The following TASP1 variants were observed in gnomAD, a reference collection of about 807,000 sequenced individuals.
TASP1 encodes taspase 1, also known as threonine aspartase 1.
Under a neutral mutation model 56.6 loss-of-function variants are expected in TASP1, and 16 were observed. The observed-to-expected ratio is 0.28, with a 90% confidence interval of 0.19 to 0.43. The LOEUF (loss-of-function observed/expected upper bound fraction) is 0.43. TASP1 is among the 20% of genes least tolerant of loss of function. The probability of loss-of-function intolerance (pLI) is 1.00; values close to 1 mark genes in which losing one functional copy is unlikely to be tolerated. For missense variants in TASP1, 393 were observed against 511.6 expected (o/e 0.77, Z 2.24); for synonymous variants, 179 against 184.2 (o/e 0.97, Z 0.23).
the TASP1 span, among the ~76,000 whole-genome samples, chr20:13,137,982 C>T: frequency 6.6e-6 from 1 of 152,154 alleles, no homozygotes; most frequent in Admixed American, 6.5e-5. Context: ...GGACTCAGAA[C>T]AGCTTGGGGA....
At chr20:13,371,021 CTTCTAT>C in the TASP1 span, among the ~76,000 whole-genome samples, 178 of 152,220 alleles carry the variant, frequency 1.2e-3, no homozygotes, top group African/African-American at 4.0e-3. Flanking sequence ...ATCATCCCCT[CTTCTAT>C]TTCTGATTTT....
the TASP1 span, among the ~76,000 whole-genome samples, chr20:13,121,535 G>A: frequency 6.6e-6 from 1 of 152,112 alleles, no homozygotes; most frequent in African/African-American, 2.4e-5. Context: ...AACAATCAGG[G>A]TTTTGAACTT....
At chr20:13,577,431 G>A (rs964226768) in intron 6 of TASP1, among the ~76,000 whole-genome samples, 1 of 152,128 alleles carries the variant, frequency 6.6e-6, no homozygotes. Context: ...ACCCTACAAT[G>A]TGAGGTCTAT....
chr20:13,474,675 G>A (rs1412637136), intron 11 of TASP1, among the ~76,000 whole-genome samples: 1 of 152,048 alleles, frequency 6.6e-6, no homozygotes, highest in African/African-American at 2.4e-5. Flanking sequence ...TGGATCAAAT[G>A]GTAGATCTAT....
chr20:13,344,063 A>G, the TASP1 span, among the ~76,000 whole-genome samples: 1 of 152,040 alleles, frequency 6.6e-6, no homozygotes, highest in Non-Finnish European at 1.5e-5. Context: ...TGCTCCACCC[A>G]GACCGATTCC....
At chr20:13,228,766 G>A in the TASP1 span, among the ~76,000 whole-genome samples, 3 of 152,056 alleles carry the variant, frequency 2.0e-5, no homozygotes, top group Non-Finnish European at 2.9e-5. Flanking sequence ...TGGAACTCCT[G>A]TTAGAGATTG....
At chr20:13,199,818 A>C in the TASP1 span, among the ~76,000 whole-genome samples, 1 of 152,198 alleles carries the variant, frequency 6.6e-6, no homozygotes, top group Non-Finnish European at 1.5e-5. Context: ...AGGTCAAGTC[A>C]TGGCTTGCAC....
At chr20:13,551,465 A>T (rs1304449888) in intron 8 of TASP1, among the ~76,000 whole-genome samples, 2 of 152,194 alleles carry the variant, frequency 1.3e-5, no homozygotes, top group Non-Finnish European at 2.9e-5. Flanking sequence ...AAAAATGAAG[A>T]GAAAGGAAAA....
intron 10 of TASP1, among the ~76,000 whole-genome samples, chr20:13,492,484 T>A (rs2043570016): frequency 6.6e-6 from 1 of 152,286 alleles, no homozygotes; most frequent in African/African-American, 2.4e-5. Flanking sequence ...CTTGTGAAAT[T>A]AAAGAGAGAG....
chr20:13,623,363 G>A, intron 4 of TASP1, 83 bp downstream of exon 4: 1 of 1,155,956 alleles, frequency 8.7e-7, no homozygotes, highest in Non-Finnish European at 1.3e-6. Flanking sequence ...ATTTATGGTT[G>A]ACTAACTCAA....
intron 4 of TASP1, among the ~76,000 whole-genome samples, chr20:13,591,216 T>C (rs541680361): frequency 1.3e-5 from 2 of 152,150 alleles, no homozygotes; most frequent in South Asian, 4.1e-4. Context: ...CCAAACTTAA[T>C]AAACACTATG....
chr20:13,494,999 T>C (rs970404984), intron 10 of TASP1, among the ~76,000 whole-genome samples: 3 of 151,454 alleles, frequency 2.0e-5, no homozygotes, highest in East Asian at 1.9e-4. Context: ...TCTACAAATA[T>C]GCAGATGTCA....
chr20:13,555,572 T>C (rs55720631), intron 8 of TASP1, among the ~76,000 whole-genome samples: 7,463 of 152,086 alleles, frequency 0.049, 341 homozygotes, highest in African/African-American at 0.11. Context: ...GCCCTACCTC[T>C]AATTCTAGTT....
At chr20:13,125,620 G>A in the TASP1 span, among the ~76,000 whole-genome samples, 3 of 152,222 alleles carry the variant, frequency 2.0e-5, no homozygotes, top group African/African-American at 7.2e-5. Context: ...ACAGTCCATT[G>A]TTGAGTCAGC....
At chr20:13,549,845 C>T (rs1363053837) in intron 8 of TASP1, among the ~76,000 whole-genome samples, 1 of 152,000 alleles carries the variant, frequency 6.6e-6, no homozygotes, top group Admixed American at 6.6e-5. Flanking sequence ...CTCTACAGAG[C>T]TATTAAATAC....
chr20:13,179,709 G>A, the TASP1 span, among the ~76,000 whole-genome samples: 8 of 152,128 alleles, frequency 5.3e-5, no homozygotes, highest in Non-Finnish European at 8.8e-5. Flanking sequence ...TGGAGTGCCC[G>A]TCACACAGGG....
chr20:13,440,623 T>TGTAGTTAGGATGTGAATAGCTAGA (rs1405533084), intron 11 of TASP1, among the ~76,000 whole-genome samples: 10 of 151,608 alleles, frequency 6.6e-5, no homozygotes, highest in Non-Finnish European at 1.2e-4. Flanking sequence ...CAGTATACTA[T>TGTAGTTAGGATGTGAATAGCTAGA]GTAGTTAGGA....
At chr20:13,622,410 A>G (rs922751066) in intron 4 of TASP1, among the ~76,000 whole-genome samples, 5 of 152,190 alleles carry the variant, frequency 3.3e-5, no homozygotes, top group Non-Finnish European at 5.9e-5. Flanking sequence ...CCCACCATAT[A>G]CTTTCACCTT....
the TASP1 span, among the ~76,000 whole-genome samples, chr20:13,241,529 C>CAAGAA: frequency 6.6e-6 from 1 of 151,920 alleles, no homozygotes; most frequent in Non-Finnish European, 1.5e-5. Flanking sequence ...TTCTGTGTAA[C>CAAGAA]AATTGGGAAG....
Sources: gnomAD v4.1 joint callset for allele counts (sites outside exome capture counted in the v4.1 genomes callset) on GRCh38, gnomAD v4.1.1 for gene constraint, MANE v1.5 for transcripts, NCBI Gene and HGNC (gene_info 2026-07-23, HGNC 2026-07-21) for gene names.